The following SNAP91 variants were observed in gnomAD, a reference collection of about 807,000 sequenced individuals.
SNAP91 encodes synaptosome associated protein 91.
SNAP91 carries 27 observed loss-of-function variants against 100.3 expected under a neutral mutation model. The ratio of observed to expected loss-of-function variants is 0.27; its 90% CI spans 0.20 to 0.37. The LOEUF (loss-of-function observed/expected upper bound fraction) is 0.37, where lower values mean the gene tolerates loss of function less well. Ranked by LOEUF, SNAP91 falls within the 10% of genes least tolerant of loss-of-function variation. SNAP91 has a pLI of 1.00. For synonymous variants in SNAP91, 404 were observed against 398.6 expected, an observed-to-expected ratio of 1.01 and a Z score of -0.16; for missense variants, 986 against 1,123.7, an observed-to-expected ratio of 0.88 and a Z score of 1.75.
At chr6:83,591,582 C>G (rs931336212) in intron 21 of SNAP91, among the ~76,000 whole-genome samples, 2 of 151,708 alleles carry the variant, frequency 1.3e-5, no homozygotes, top group Admixed American at 1.3e-4. Flanking sequence ...TCTGTCAAAA[C>G]AGAAGCAAGG....
intron 22 of SNAP91, among the ~76,000 whole-genome samples, chr6:83,586,024 A>AT (rs2092530578): frequency 6.6e-6 from 1 of 151,724 alleles, no homozygotes; most frequent in Admixed American, 6.6e-5. Context: ...TAATTTTTGT[A>AT]TTTTTAGTAG....
At chr6:83,572,421 A>ATT (rs58013273) in intron 26 of SNAP91, among the ~76,000 whole-genome samples, 2 of 150,550 alleles carry the variant, frequency 1.3e-5, no homozygotes, top group African/African-American at 4.9e-5. Flanking sequence ...AAAGTTTTGC[A>ATT]TTTTTTTTTG....
intron 2 of SNAP91, chr6:83,678,985 A>G: frequency 1.4e-6 from 1 of 720,992 alleles, no homozygotes. Flanking sequence ...TATATCCACA[A>G]GGTCCACATC....
At position 83,560,941 on chromosome 6, in the gene SNAP91, C is replaced by T. The variant is rs748957471; in HGVS notation, c.2449G>A (p.Ala817Thr). The change falls in exon 27 of 30, where the codon GCT becomes ACT. Residue 817 changes from alanine (A) to threonine (T), a missense_variant. Ala to Thr is a moderately conservative substitution (Grantham distance 58). This residue lies in a region of SNAP91 where 575 missense variants were observed against 579.9 expected (regional missense o/e 0.99). Transcript: ENST00000369694. ...GGAACTGAACTGGTTGGAGGTACAG[C>T]TCCTTGCTACACAGATAGACAGACA... is the stretch of plus-strand genomic sequence containing the variant. ...GVPPSAPLQG[A>T]VPPTSSVPPV... 1.2e-6 allele frequency: 2 copies of T among 1,606,656 alleles called. No individual in the cohort carries two copies. Among genetic ancestry groups the T allele is most frequent in the East Asian group, 2.2e-5 (1 of 44,798 alleles).
In SNAP91 at chr6:83,617,051, A is replaced by G. The variant is rs752134395; in HGVS notation, c.808-12T>C. 11 of 1,517,206 alleles carry G rather than the reference A, an allele frequency of 7.3e-6. No homozygotes were observed. In the East Asian group the frequency reaches 2.5e-4, roughly 34 times the overall value. 94.0% of individuals were successfully genotyped at this position (1,517,206 alleles called of 1,614,324 possible). On this transcript the variant is annotated splice_polypyrimidine_tract_variant and intron_variant, in intron 9 of 29. Transcript: ENST00000369694. The stretch of plus-strand genomic sequence containing the variant: ...AGACTGCTGGGAGCCTACAATAAGA[A>G]AGTAAAAATAAATGTCTGCATTGTT...
chr6:83,678,719 G>A (rs1416876750), intron 2 of SNAP91: 1 of 1,282,806 alleles, frequency 7.8e-7, no homozygotes, highest in African/African-American at 1.5e-5. Flanking sequence ...CCCCTATTGA[G>A]AATCCTTGGC....
chr6:83,700,441 T>C (rs1462288558), intron 2 of SNAP91, among the ~76,000 whole-genome samples: 1 of 151,948 alleles, frequency 6.6e-6, no homozygotes, highest in East Asian at 1.9e-4. Context: ...TAATAACTGA[T>C]TGTTATTGCA....
chr6:83,558,972 T>C (rs551560204), intron 28 of SNAP91, among the ~76,000 whole-genome samples: 1 of 152,360 alleles, frequency 6.6e-6, no homozygotes, highest in Admixed American at 6.5e-5. Context: ...TAACATATTT[T>C]GGCATTTTTG....
chr6:83,689,444 T>C (rs938546152), intron 2 of SNAP91: 2 of 152,082 alleles, frequency 1.3e-5, no homozygotes, highest in African/African-American at 4.8e-5. Flanking sequence ...TAGTAAAAAT[T>C]AGTTGAATAT....
Position 83,592,950 on chromosome 6 carries a change from T to C in SNAP91, c.1842A>G (p.Leu614=), listed in dbSNP as rs61741864. 2.0e-5 allele frequency: 32 copies of C among 1,579,920 alleles called. No homozygotes were observed. Among genetic ancestry groups the C allele is most frequent in the Non-Finnish European group, 2.8e-5 (32 of 1,162,184 alleles). ...VPESSLTADL[L]SVDAFAAPSP... is the part of the protein sequence containing the mutation. ...TGACCTTGGCAAAGCACTCACCAGA[T>C]AAGAGGTCAGCAGTGAGAGAACTCT... The change falls in exon 20 of 30, where the codon TTA becomes TTG. Residue 614 remains leucine (L), a synonymous_variant. Transcript: ENST00000369694.
At chr6:83,680,131 CCTCTCTCAATCAAGTTTAAAAATTTAGGA>C (rs1410070607) in intron 2 of SNAP91, among the ~76,000 whole-genome samples, 2 of 151,992 alleles carry the variant, frequency 1.3e-5, no homozygotes, top group Non-Finnish European at 2.9e-5. Flanking sequence ...AAAGGCTAGA[CCTCTCTCAATCAAGTTTAAAAATTTAGGA>C]TTAAAGAGTT....
At chr6:83,587,267 A>C (rs953382963) in intron 22 of SNAP91, among the ~76,000 whole-genome samples, 4 of 152,162 alleles carry the variant, frequency 2.6e-5, no homozygotes, top group African/African-American at 9.7e-5. Context: ...AAAAAAATCT[A>C]ATCTTAGGCA....
At chr6:83,610,444 G>C (rs571156290) in intron 12 of SNAP91, among the ~76,000 whole-genome samples, 3 of 151,248 alleles carry the variant, frequency 2.0e-5, no homozygotes, top group East Asian at 3.9e-4. Context: ...GGTTGCCAGG[G>C]GATCGGGGAG....
intron 26 of SNAP91, among the ~76,000 whole-genome samples, chr6:83,564,719 C>T (rs56207148): frequency 0.01 from 1,564 of 151,680 alleles, 7 homozygotes; most frequent in Non-Finnish European, 0.013. Flanking sequence ...ACATGCAAAA[C>T]GATAAATTTG....
intron 7 of SNAP91, among the ~76,000 whole-genome samples, chr6:83,656,345 T>C (rs918461413): frequency 6.6e-5 from 10 of 152,162 alleles, no homozygotes; most frequent in Admixed American, 2.6e-4. Flanking sequence ...ATGGAGGTTA[T>C]GAATAGGCTA....
At position 83,593,741 on chromosome 6, in the gene SNAP91, T is replaced by A. The variant is rs529387428; in HGVS notation, c.1433A>T (p.Asp478Val). ...AAALDACSGNDPFAPSEGSAE... is the reference protein window; with the variant it reads ...AAALDACSGNVPFAPSEGSAE... ...ACTACCTTCAGACGGGGCAAAGGGGTCTTTTGGAAAGGAAAGTGGAGACAC... is the reference window on the plus strand; with the variant it reads ...ACTACCTTCAGACGGGGCAAAGGGGACTTTTGGAAAGGAAAGTGGAGACAC... Residue 478 changes from aspartate (D) to valine (V), a missense_variant and splice_region_variant, in exon 18 of 30, where the codon GAC (aspartate) becomes GTC (valine). Coordinates refer to ENST00000369694, the MANE Select transcript of SNAP91 (RefSeq NM_001242792.2). 1 of 1,555,886 alleles carries A rather than the reference T, an allele frequency of 6.4e-7. No homozygotes were observed. Among genetic ancestry groups the A allele is most frequent in the Non-Finnish European group, 8.7e-7 (1 of 1,149,846 alleles).
At chr6:83,571,741 G>C (rs533216676) in intron 26 of SNAP91, among the ~76,000 whole-genome samples, 1 of 152,294 alleles carries the variant, frequency 6.6e-6, no homozygotes, top group Admixed American at 6.5e-5. Flanking sequence ...AGGCATGACT[G>C]GTTTTGAAAT....
At chr6:83,559,577 C>T (rs886433126) in intron 28 of SNAP91, among the ~76,000 whole-genome samples, 7 of 152,148 alleles carry the variant, frequency 4.6e-5, no homozygotes, top group Admixed American at 1.3e-4. Flanking sequence ...GGAAAAACCT[C>T]GAATTTGTAG....
chr6:83,576,628 C>T (rs1223106429), intron 24 of SNAP91, among the ~76,000 whole-genome samples: 1 of 152,186 alleles, frequency 6.6e-6, no homozygotes, highest in Non-Finnish European at 1.5e-5. Context: ...GTGTTCTTCT[C>T]CTCAAGGGAG....
Sources: allele counts gnomAD v4.1 joint callset (sites outside exome capture counted in the v4.1 genomes callset), GRCh38; gene constraint gnomAD v4.1.1; regional missense constraint gnomAD v4.1.1; transcripts MANE v1.5; gene names NCBI Gene and HGNC (gene_info 2026-07-23, HGNC 2026-07-21).